SDK1: variants seen among roughly 807,000 people sequenced by gnomAD.
SDK1 encodes the protein protein sidekick-1.
SDK1 carries 157 observed loss-of-function variants against 245.5 expected under a neutral mutation model. That is an observed-to-expected ratio of 0.64 (90% CI 0.56 to 0.73). SDK1 has a LOEUF of 0.73. Among genes scored for constraint, SDK1 ranks in the 30% least tolerant of loss-of-function variants. The probability of loss-of-function intolerance (pLI) is 0.00; values close to 1 mark genes in which losing one functional copy is unlikely to be tolerated. For synonymous variants in SDK1, 1,647 were observed against 1,278.5 expected (o/e 1.29, Z -6.15); for missense variants, 3,583 against 3,002.3 (o/e 1.19, Z -4.52).
intron 19 of SDK1, among the ~76,000 whole-genome samples, chr7:4,061,786 G>A (rs1445680255): frequency 6.6e-6 from 1 of 151,934 alleles, no homozygotes; most frequent in Non-Finnish European, 1.5e-5. Context: ...TATACACCAT[G>A]GAATACTATG....
intron 4 of SDK1, among the ~76,000 whole-genome samples, chr7:3,674,016 T>C (rs184658708): frequency 6.6e-6 from 1 of 152,310 alleles, no homozygotes; most frequent in East Asian, 1.9e-4. Context: ...TGTTTGATCA[T>C]GGAGTTTTTA....
At chr7:3,302,095 C>T (rs1035176712) in intron 1 of SDK1, 7 of 253,200 alleles carry the variant, frequency 2.8e-5, no homozygotes, top group Non-Finnish European at 4.7e-5. Context: ...CCGTCTGCTA[C>T]TTTGCGTTTT....
chr7:3,574,275 C>G (rs1780214754), intron 1 of SDK1, among the ~76,000 whole-genome samples: 1 of 151,902 alleles, frequency 6.6e-6, no homozygotes. Flanking sequence ...TGCCACCATG[C>G]CCAGCTAATT....
chr7:3,939,632 G>C (rs1036125929), intron 5 of SDK1, among the ~76,000 whole-genome samples: 1 of 151,914 alleles, frequency 6.6e-6, no homozygotes, highest in African/African-American at 2.4e-5. Context: ...GACATTTTAA[G>C]AAAAAAATAA....
intron 1 of SDK1, among the ~76,000 whole-genome samples, chr7:3,396,972 C>T (rs1014840998): frequency 2.0e-5 from 3 of 151,478 alleles, no homozygotes; most frequent in Non-Finnish European, 3.0e-5. Flanking sequence ...TAAATGGATT[C>T]TTTTCTTAAA....
rs1788606791 is a variant in SDK1, at chr7:4,268,480, C to G, written c.*3096C>G. ...AGGCGCACTTCACTCAATGCTGTAG[C>G]CAAAAAACGAGGGGCCCCAGGGAGA... On this transcript the variant is annotated 3_prime_UTR_variant, in exon 45 of 45. Transcript: ENST00000404826. The G allele has an allele frequency of 8.5e-7, 1 of 1,174,702 alleles. No homozygotes were observed. The highest frequency in any genetic ancestry group is 1.1e-6 in the Non-Finnish European group (1 of 932,006). The allele number at this position is 1,174,702 out of a possible 1,614,324, so 72.8% of individuals were successfully genotyped here.
chr7:3,967,135 A>G (rs752622577), intron 9 of SDK1, among the ~76,000 whole-genome samples, 183 bp from the exon 10 acceptor site: 2 of 152,226 alleles, frequency 1.3e-5, no homozygotes, highest in Non-Finnish European at 2.9e-5. Context: ...TTGTAAACAA[A>G]GATCGGTAAC....
In SDK1 at chr7:3,520,375, T is replaced by C. The variant is rs530996581; in HGVS notation, c.299-98705T>C. Among the ~76,000 whole-genome samples, 5 of 152,294 alleles carry C rather than the reference T, an allele frequency of 3.3e-5. No homozygotes were observed. In the East Asian group the frequency reaches 7.7e-4, roughly 23 times the overall value. ...CTCTGTTTGCTCTATTGAGTCCTTG[T>C]ATGGTTATCTTGTTAGTATAGTGCT... On this transcript the variant is annotated intron_variant, in intron 1 of 44. Coordinates refer to ENST00000404826, the MANE Select transcript of SDK1 (RefSeq NM_152744.4).
intron 5 of SDK1, among the ~76,000 whole-genome samples, chr7:3,842,997 TGAACA>T (rs796301752): frequency 1.3e-5 from 2 of 152,176 alleles, no homozygotes; most frequent in African/African-American, 4.8e-5. Context: ...GAAAGTGCAT[TGAACA>T]ACTGCCTAAC....
At chr7:4,166,047 C>T (rs1354070386) in intron 32 of SDK1, among the ~76,000 whole-genome samples, 1 of 152,168 alleles carries the variant, frequency 6.6e-6, no homozygotes, top group Admixed American at 6.5e-5. Flanking sequence ...CCTTGACCTC[C>T]CAAAGTGCTG....
At chr7:4,067,224 G>A (rs7807103) in intron 19 of SDK1, among the ~76,000 whole-genome samples, 11,691 of 152,254 alleles carry the variant, frequency 0.077, 1,012 homozygotes, top group African/African-American at 0.21. Flanking sequence ...GCGTTCAAGC[G>A]TAACTCTGCG....
chr7:3,783,338 G>C (rs1051861716), intron 4 of SDK1, among the ~76,000 whole-genome samples: 23 of 151,944 alleles, frequency 1.5e-4, no homozygotes, highest in Admixed American at 8.5e-4. Context: ...ATTTAACATA[G>C]CATTGGAAGT....
intron 5 of SDK1, among the ~76,000 whole-genome samples, chr7:3,881,419 C>A (rs1781206548): frequency 6.6e-6 from 1 of 152,200 alleles, no homozygotes; most frequent in Non-Finnish European, 1.5e-5. Flanking sequence ...TGCGTCCCTG[C>A]AAACGACAAG....
chr7:3,360,718 G>A (rs79515604), intron 1 of SDK1, among the ~76,000 whole-genome samples: 2,256 of 152,274 alleles, frequency 0.015, 65 homozygotes, highest in African/African-American at 0.051. Flanking sequence ...GTCTGATCCT[G>A]GAGCACTGGG....
In SDK1 at chr7:4,046,470, T is replaced by A. The variant is rs146693464; in HGVS notation, c.2603-2878T>A. Among the ~76,000 whole-genome samples the A allele has an allele frequency of 2.7e-3, 404 of 152,344 alleles. 7 individuals are homozygous for A. The highest frequency in any genetic ancestry group is 9.4e-3 in the African/African-American group (392 of 41,582). Reference sequence around the variant, plus strand: ...TTTATGCCTCTGATCCATTTTGAGTTAGGTTTTATAAATGGTAAGAAATAT... The same window carrying A: ...TTTATGCCTCTGATCCATTTTGAGTAAGGTTTTATAAATGGTAAGAAATAT... On this transcript the variant is annotated intron_variant, in intron 17 of 44. Coordinates refer to ENST00000404826, the MANE Select transcript of SDK1 (RefSeq NM_152744.4).
At chr7:4,029,634 C>T (rs1787641035) in intron 17 of SDK1, among the ~76,000 whole-genome samples, 1 of 152,046 alleles carries the variant, frequency 6.6e-6, no homozygotes, top group Non-Finnish European at 1.5e-5. Context: ...ATCACCCAAG[C>T]AGGGTGGGGA....
At chr7:3,571,800 G>T (rs1780125330) in intron 1 of SDK1, among the ~76,000 whole-genome samples, 1 of 152,168 alleles carries the variant, frequency 6.6e-6, no homozygotes, top group East Asian at 1.9e-4. Context: ...GTTCCAGCAT[G>T]AGTTATGACG....
At chr7:3,425,509 A>G (rs1351920025) in intron 1 of SDK1, among the ~76,000 whole-genome samples, 1 of 152,230 alleles carries the variant, frequency 6.6e-6, no homozygotes, top group Admixed American at 6.5e-5. Flanking sequence ...TTCTTCTGTT[A>G]GATACTTTAG....
In SDK1 at chr7:4,210,151, C is replaced by G. The variant is rs762785052; in HGVS notation, c.5528C>G (p.Ala1843Gly). ...TATCGGGTGGTGTACGAGCCCTTGG[C>G]CCCTGTACAAGGTAAGACCCGGGGT... Reference protein sequence around the residue: ...QGYRVVYEPLAPVQGVSKVVT... With the variant: ...QGYRVVYEPLGPVQGVSKVVT... Residue 1843 changes from alanine to glycine, a missense_variant, in exon 38 of 45, where the codon GCC becomes GGC. Physicochemically the swap from Ala to Gly is moderately conservative, Grantham distance 60 (BLOSUM62 0). Transcript: ENST00000404826. 6.3e-7 allele frequency: 1 copy of G among 1,577,318 alleles called. No homozygotes were observed. Among genetic ancestry groups the G allele is most frequent in the Non-Finnish European group, 8.6e-7 (1 of 1,164,886 alleles).
Sources: allele counts gnomAD v4.1 joint callset (sites outside exome capture counted in the v4.1 genomes callset), GRCh38; gene constraint gnomAD v4.1.1; transcripts MANE v1.5; gene names NCBI Gene and HGNC (gene_info 2026-07-23, HGNC 2026-07-21).